GRIK3: variants seen among roughly 807,000 people sequenced by gnomAD.
GRIK3 encodes glutamate ionotropic receptor kainate type subunit 3.
A neutral mutation model predicts 102.5 loss-of-function variants in GRIK3; 29 were observed. That is an observed-to-expected ratio of 0.28 (90% CI 0.21 to 0.39). The LOEUF (loss-of-function observed/expected upper bound fraction) is 0.39, where lower values mean the gene tolerates loss of function less well. Ranked by LOEUF, GRIK3 falls within the 10% of genes least tolerant of loss-of-function variation. The pLI is 1.00. For missense variants in GRIK3, 908 were observed against 1,252.4 expected (o/e 0.73, Z 4.15); for synonymous variants, 511 against 504.9 (o/e 1.01, Z -0.16).
rs1200110046 is a variant in GRIK3 at position 36,924,502 on chromosome 1, G to T, written c.116-33406C>A. Among the ~76,000 whole-genome samples, 3 of 152,190 alleles carry T rather than the reference G, an allele frequency of 2.0e-5. No individual in the cohort carries two copies. The South Asian group carries it at 6.2e-4, about 32-fold the overall frequency. On this transcript the variant is annotated intron_variant, in intron 1 of 15. Coordinates refer to ENST00000373091, the MANE Select transcript of GRIK3 (RefSeq NM_000831.4). ...GCTGGCTGTGGAGAGGGGAGGGGGA[G>T]TGGGTTGGGTGCTGAGCCCCTATCA...
chr1:36,950,817 G>GT (rs1349593172), intron 1 of GRIK3, among the ~76,000 whole-genome samples: 1 of 152,244 alleles, frequency 6.6e-6, no homozygotes, highest in Non-Finnish European at 1.5e-5. Context: ...AGCTGATCTC[G>GT]TGAGTGATCA....
At chr1:36,942,361 G>A (rs1249448765) in intron 1 of GRIK3, among the ~76,000 whole-genome samples, 1 of 152,200 alleles carries the variant, frequency 6.6e-6, no homozygotes, top group African/African-American at 2.4e-5. Flanking sequence ...TCAGTTCTGC[G>A]GAAACCCTTC....
At chr1:36,828,125 G>A (rs370211349) in intron 10 of GRIK3, among the ~76,000 whole-genome samples, 9 of 151,548 alleles carry the variant, frequency 5.9e-5, no homozygotes, top group African/African-American at 1.7e-4. Context: ...GCAAGAGACC[G>A]AGTCCCTGGT....
chr1:36,865,643 A>G (rs1640776365), intron 5 of GRIK3, among the ~76,000 whole-genome samples: 1 of 152,334 alleles, frequency 6.6e-6, no homozygotes, highest in African/African-American at 2.4e-5. Flanking sequence ...TGCAAGGGCT[A>G]TGCCTCCCTG....
At chr1:36,931,755 G>A (rs1285628389) in intron 1 of GRIK3, among the ~76,000 whole-genome samples, 1 of 152,182 alleles carries the variant, frequency 6.6e-6, no homozygotes, top group Non-Finnish European at 1.5e-5. Flanking sequence ...ACAGAGCGGC[G>A]TGTGCAGCCC....
intron 1 of GRIK3, among the ~76,000 whole-genome samples, chr1:36,926,032 C>T (rs887453448): frequency 1.3e-5 from 2 of 152,218 alleles, no homozygotes; most frequent in Admixed American, 1.3e-4. Flanking sequence ...CACTAACTCC[C>T]AAGGTCACTG....
intron 1 of GRIK3, among the ~76,000 whole-genome samples, chr1:36,995,788 C>T (rs772075358): frequency 3.6e-4 from 55 of 152,314 alleles, no homozygotes; most frequent in African/African-American, 5.3e-4. Flanking sequence ...ACCCTGCTCC[C>T]GTGTCCTCTG....
At chr1:36,960,609 C>T (rs536999840) in intron 1 of GRIK3, among the ~76,000 whole-genome samples, 4 of 152,290 alleles carry the variant, frequency 2.6e-5, no homozygotes, top group African/African-American at 9.6e-5. Flanking sequence ...TCTTCTGGCC[C>T]ACTTCAGAGT....
chr1:36,980,631 C>T (rs1404997088), intron 1 of GRIK3, among the ~76,000 whole-genome samples: 1 of 152,030 alleles, frequency 6.6e-6, no homozygotes, highest in Non-Finnish European at 1.5e-5. Context: ...CAGGCCTGGG[C>T]AGTCAGCTCT....
intron 1 of GRIK3, among the ~76,000 whole-genome samples, chr1:36,989,095 C>T (rs989494335): frequency 6.6e-6 from 1 of 152,128 alleles, no homozygotes; most frequent in African/African-American, 2.4e-5. Context: ...AACACAGGCT[C>T]ACGCCCCACT....
intron 1 of GRIK3, among the ~76,000 whole-genome samples, chr1:36,991,206 G>A (rs947255001): frequency 6.6e-5 from 10 of 152,192 alleles, no homozygotes; most frequent in African/African-American, 1.7e-4. Context: ...CAACAGGCTC[G>A]TGTGCATGAG....
intron 3 of GRIK3, among the ~76,000 whole-genome samples, chr1:36,879,087 T>C (rs1258079399): frequency 6.6e-6 from 1 of 152,086 alleles, no homozygotes; most frequent in African/African-American, 2.4e-5. Flanking sequence ...TTGTGACTTA[T>C]GGCAGACCAT....
At position 36,825,699 on chromosome 1, in the gene GRIK3, C is replaced by T. The variant is rs1234936380; in HGVS notation, c.1658G>A (p.Ser553Asn). Residue 553 changes from serine (S) to asparagine (N), a missense_variant, in exon 11 of 16, where the codon AGC (serine) becomes AAC (asparagine). Ser to Asn is a conservative substitution (Grantham distance 46, BLOSUM62 1). Around this residue, in one of 3 missense-constraint regions of GRIK3, gnomAD observed 585 missense variants for 824.9 expected, o/e 0.71. Transcript: ENST00000373091. Reference sequence around the variant, plus strand: ...CAGGGGATTGAGGAAGGAGAAGACGCTGGGGTTGGTGCCATTGGGCTTTCG... The same window carrying T: ...CAGGGGATTGAGGAAGGAGAAGACGTTGGGGTTGGTGCCATTGGGCTTTCG... ...LYRKPNGTNP[S>N]VFSFLNPLSP... 1 of 1,613,878 alleles carries T rather than the reference C, an allele frequency of 6.2e-7. No homozygotes were observed. Among genetic ancestry groups the T allele is most frequent in the South Asian group, 1.1e-5 (1 of 91,018 alleles).
Position 36,881,963 on chromosome 1 carries a change from T to G in GRIK3, c.293-1072A>C, listed in dbSNP as rs1414136075. ...ATTTGCACGTGCTGTCCTCTCTGGC[T>G]GGAATGCTCTTCCCTCATAGAGCCT... is the stretch of plus-strand genomic sequence containing the variant. On this transcript the variant is annotated intron_variant, in intron 2 of 15. Coordinates refer to ENST00000373091, the MANE Select transcript of GRIK3 (RefSeq NM_000831.4). Among the ~76,000 whole-genome samples the G allele has an allele frequency of 2.0e-5, 3 of 152,162 alleles. No individual in the cohort carries two copies. The East Asian group carries it at 5.8e-4, about 29-fold the overall frequency.
At chr1:36,975,992 C>A (rs1401923455) in intron 1 of GRIK3, among the ~76,000 whole-genome samples, 1 of 152,182 alleles carries the variant, frequency 6.6e-6, no homozygotes, top group Non-Finnish European at 1.5e-5. Context: ...CAAAAGTGAA[C>A]AGGATTTGCT....
chr1:36,955,416 A>T (rs941017416), intron 1 of GRIK3, among the ~76,000 whole-genome samples: 1 of 152,172 alleles, frequency 6.6e-6, no homozygotes, highest in East Asian at 1.9e-4. Context: ...TGACAGGCAC[A>T]CTCACAGCAC....
intron 1 of GRIK3, among the ~76,000 whole-genome samples, chr1:37,023,013 T>A (rs1454187700): frequency 2.0e-5 from 3 of 152,144 alleles, no homozygotes; most frequent in Non-Finnish European, 2.9e-5. Context: ...AACCTTAGTA[T>A]GAGTAGAAGT....
chr1:36,872,204 G>C lies in GRIK3; in HGVS notation c.716C>G (p.Ala239Gly), dbSNP rs1570772135. 1 of 1,600,066 alleles carries C rather than the reference G, an allele frequency of 6.2e-7. No individual in the cohort carries two copies. Among genetic ancestry groups the C allele is most frequent in the Non-Finnish European group, 8.5e-7 (1 of 1,171,576 alleles). ...IIFDCSHTMA[A>G]QILKQAMAMG... ...CTCACGCACCTGCTTGAGGATCTGG[G>C]CCGCCATAGTGTGGCTGCAGTCGAA... Residue 239 changes from alanine to glycine, a missense_variant, in exon 4 of 16, where the codon GCC (alanine) becomes GGC (glycine). Transcript: ENST00000373091. The surrounding 1 kb of genome is among the most constrained non-coding windows in gnomAD (Gnocchi z 5.9).
At position 36,853,664 on chromosome 1, in the gene GRIK3, G is replaced by A. The variant is rs142974275; in HGVS notation, c.1163C>T (p.Thr388Met). 173 of 1,613,728 alleles carry A rather than the reference G, an allele frequency of 1.1e-4. 1 individual carries two copies. The highest frequency in any genetic ancestry group is 5.0e-4 in the Middle Eastern group (3 of 6,008). Reference sequence around the variant, plus strand: ...GCTGATGATGTCCAGATCAAAATCCGTCCGCAAGCCACTAGTTTTGTTGAA... The same window carrying A: ...GCTGATGATGTCCAGATCAAAATCCATCCGCAAGCCACTAGTTTTGTTGAA... ...IVFNKTSGLRTDFDLDIISLK... is the reference protein window; with the variant it reads ...IVFNKTSGLRMDFDLDIISLK... The change falls in exon 8 of 16, where the codon ACG becomes ATG. Residue 388 changes from threonine (T) to methionine (M), a missense_variant. Around this residue, in one of 3 missense-constraint regions of GRIK3, gnomAD observed 585 missense variants for 824.9 expected, o/e 0.71. Transcript: ENST00000373091.
Sources: gnomAD v4.1 joint callset for allele counts (sites outside exome capture counted in the v4.1 genomes callset) on GRCh38, gnomAD v4.1.1 for gene constraint, gnomAD v4.1.1 regional missense constraint, Gnocchi (gnomAD v3.1) non-coding constraint, MANE v1.5 for transcripts, NCBI Gene and HGNC (gene_info 2026-07-23, HGNC 2026-07-21) for gene names.